Variants in FAM161A observed in about 807,000 individuals in gnomAD.
FAM161A encodes FAM161 centrosomal protein A.
Under a neutral mutation model 70.9 loss-of-function variants are expected in FAM161A, and 57 were observed. That is an observed-to-expected ratio of 0.80 (90% CI 0.65 to 1.00). The LOEUF (loss-of-function observed/expected upper bound fraction) is 1.00. Ranked by LOEUF, FAM161A falls within the 50% of genes least tolerant of loss-of-function variation. The pLI is 0.00. For synonymous variants in FAM161A, 299 were observed against 295.7 expected, an observed-to-expected ratio of 1.01 and a Z score of -0.12; for missense variants, 880 against 836.0, an observed-to-expected ratio of 1.05 and a Z score of -0.65.
the FAM161A span, among the ~76,000 whole-genome samples, chr2:61,817,683 T>C: frequency 4.6e-5 from 7 of 152,132 alleles, no homozygotes; most frequent in Non-Finnish European, 8.8e-5. Context: ...CAAAGAAACA[T>C]AGGCCAGGTG....
rs1350766675 is a variant in FAM161A at position 61,824,856 on chromosome 2, C to T, written c.*1599G>A. Reference sequence around the variant, plus strand: ...AGTATATAAAAACCATATTCATCTACACACTCATTCAAACCTTTATTAAGT... The same window carrying T: ...AGTATATAAAAACCATATTCATCTATACACTCATTCAAACCTTTATTAAGT... On this transcript the variant is annotated 3_prime_UTR_variant, in exon 7 of 7. Coordinates refer to ENST00000404929, the MANE Select transcript of FAM161A (RefSeq NM_001201543.2). 2.5e-6 allele frequency: 1 copy of T among 402,688 alleles called. No homozygotes were observed. The highest frequency in any genetic ancestry group is 4.8e-6 in the Non-Finnish European group (1 of 207,746). The allele number at this position is 402,688 out of a possible 1,614,324, so 24.9% of individuals were successfully genotyped here.
intron 6 of FAM161A, 109 bp downstream of exon 6, chr2:61,826,995 T>A (rs1672391061): frequency 9.5e-7 from 1 of 1,050,870 alleles, no homozygotes; most frequent in Non-Finnish European, 1.4e-6. Context: ...GGGTAAAAGA[T>A]CTTTTTAAAA....
the FAM161A span, among the ~76,000 whole-genome samples, chr2:61,818,900 G>C: frequency 6.6e-6 from 1 of 152,160 alleles, no homozygotes; most frequent in African/African-American, 2.4e-5. Flanking sequence ...CCTTTACAAT[G>C]GAGAGAACTG....
At chr2:61,802,502 T>C in the FAM161A span, among the ~76,000 whole-genome samples, 1 of 152,188 alleles carries the variant, frequency 6.6e-6, no homozygotes, top group East Asian at 1.9e-4. Context: ...CTATTTAACA[T>C]AATCACCGTA....
intron 1 of FAM161A, among the ~76,000 whole-genome samples, chr2:61,853,490 C>T (rs1256013428): frequency 6.6e-6 from 1 of 152,154 alleles, no homozygotes; most frequent in Non-Finnish European, 1.5e-5. Flanking sequence ...TAACGAAACA[C>T]ACCTGACAGA....
In FAM161A at chr2:61,853,940, G is replaced by A. The variant is rs377215266; in HGVS notation, c.102C>T (p.Asp34=). 6.2e-7 allele frequency: 1 copy of A among 1,613,790 alleles called. No individual in the cohort carries two copies. The highest frequency in any genetic ancestry group is 1.3e-5 in the African/African-American group (1 of 74,910). ...CCGCTGCCGCCAGGGCCTTTAAGGG[G>A]TCTTCGCGTTCGTACTGGGCGACCC... is the stretch of plus-strand genomic sequence containing the variant. ...GARVAQYERE[D]PLKALAAAEA... is the part of the protein sequence containing the mutation. Residue 34 remains aspartate (D), a synonymous_variant, in exon 1 of 7, where the codon GAC becomes GAT. Coordinates refer to ENST00000404929, the MANE Select transcript of FAM161A (RefSeq NM_001201543.2).
At position 61,853,987 on chromosome 2, in the gene FAM161A, C is replaced by G; in HGVS notation, c.55G>C (p.Val19Leu). Residue 19 changes from valine to leucine, a missense_variant, in exon 1 of 7, where the codon GTA (valine) becomes CTA (leucine). Physicochemically the swap from Val to Leu is conservative, Grantham distance 32 (BLOSUM62 1). Transcript: ENST00000404929. Reference sequence around the variant, plus strand: ...ACCCGCGCTCCAGTGATGGGATTTACCGGGGTCTGGAGACTGGAGGCCACC... The same window carrying G: ...ACCCGCGCTCCAGTGATGGGATTTAGCGGGGTCTGGAGACTGGAGGCCACC... ...KLVASSLQTP[V>L]NPITGARVAQ... 2 of 1,613,712 alleles carry G rather than the reference C, an allele frequency of 1.2e-6. No individual in the cohort carries two copies. Among genetic ancestry groups the G allele is most frequent in the Non-Finnish European group, 1.7e-6 (2 of 1,179,770 alleles).
intron 5 of FAM161A, among the ~76,000 whole-genome samples, chr2:61,830,623 G>A (rs1391358390): frequency 6.9e-6 from 1 of 144,642 alleles, no homozygotes; most frequent in African/African-American, 2.6e-5. Context: ...GGCAGAGGTT[G>A]CAGTGAGCCG....
the FAM161A span, among the ~76,000 whole-genome samples, chr2:61,817,952 T>A: frequency 6.6e-6 from 1 of 151,948 alleles, no homozygotes; most frequent in East Asian, 1.9e-4. Flanking sequence ...AGCAAGACCC[T>A]GTCTGGAACA....
chr2:61,851,219 C>A (rs1292418638), intron 1 of FAM161A, among the ~76,000 whole-genome samples: 2 of 152,148 alleles, frequency 1.3e-5, no homozygotes, highest in Non-Finnish European at 2.9e-5. Context: ...ACTGAAAATT[C>A]TGTGAGGATG....
chr2:61,843,081 G>C (rs1673079435), intron 1 of FAM161A, among the ~76,000 whole-genome samples: 1 of 152,180 alleles, frequency 6.6e-6, no homozygotes, highest in Non-Finnish European at 1.5e-5. Flanking sequence ...TACAGATCAT[G>C]TTTAGAAGGG....
chr2:61,828,880 T>G (rs1672472541), intron 5 of FAM161A, among the ~76,000 whole-genome samples: 2 of 152,164 alleles, frequency 1.3e-5, no homozygotes, highest in Non-Finnish European at 2.9e-5. Context: ...TGGAGCCACA[T>G]AGTGACTGGG....
At chr2:61,807,171 G>A in the FAM161A span, among the ~76,000 whole-genome samples, 5 of 152,020 alleles carry the variant, frequency 3.3e-5, no homozygotes, top group Admixed American at 6.6e-5. Flanking sequence ...TGAAGTTGAA[G>A]CATCAGATGT....
chr2:61,806,398 G>A, the FAM161A span, among the ~76,000 whole-genome samples: 1 of 152,096 alleles, frequency 6.6e-6, no homozygotes, highest in Non-Finnish European at 1.5e-5. Flanking sequence ...CTTCAGATGT[G>A]GCAGTGATTG....
At chr2:61,803,187 G>T in the FAM161A span, 1 of 538,870 alleles carries the variant, frequency 1.9e-6, no homozygotes, top group Non-Finnish European at 3.5e-6. Flanking sequence ...CAGTGCCTAA[G>T]ACAGAAATTC....
At chr2:61,821,441 CCA>C (rs528389299), downstream of FAM161A, among the ~76,000 whole-genome samples, 20 of 152,184 alleles carry the variant, frequency 1.3e-4, no homozygotes, top group African/African-American at 4.8e-4. Context: ...TTGCCAAAGA[CCA>C]CAGTCTTAGT....
the FAM161A span, among the ~76,000 whole-genome samples, chr2:61,803,912 G>A: frequency 1.3e-5 from 2 of 152,174 alleles, no homozygotes; most frequent in African/African-American, 4.8e-5. Context: ...CCCCAAGAGA[G>A]TGTTCTTAGA....
At position 61,841,803 on chromosome 2, in the gene FAM161A, C is replaced by T. The variant is rs992762513; in HGVS notation, c.422+319G>A. Among the ~76,000 whole-genome samples the T allele has an allele frequency of 2.0e-4, 31 of 152,186 alleles. 1 individual carries two copies. Among genetic ancestry groups the T allele is most frequent in the Admixed American group, 1.5e-3 (23 of 15,282 alleles). On this transcript the variant is annotated intron_variant, in intron 2 of 6. Transcript: ENST00000404929. ...TCTTTAATGAGCTCATGTTAATCCACATATTATAAAGAGCTTTTAAAATTA... is the reference window on the plus strand; with the variant it reads ...TCTTTAATGAGCTCATGTTAATCCATATATTATAAAGAGCTTTTAAAATTA...
intron 5 of FAM161A, among the ~76,000 whole-genome samples, chr2:61,833,193 T>A (rs758992661): frequency 2.0e-5 from 3 of 151,912 alleles, no homozygotes; most frequent in Non-Finnish European, 4.4e-5. Flanking sequence ...GGGAGGCCAA[T>A]GCAGACGGAT....
Sources: allele counts gnomAD v4.1 joint callset (sites outside exome capture counted in the v4.1 genomes callset), GRCh38; gene constraint gnomAD v4.1.1; transcripts MANE v1.5; gene names NCBI Gene and HGNC (gene_info 2026-07-23, HGNC 2026-07-21).